The following SYK variants were observed in gnomAD, a reference collection of about 807,000 sequenced individuals.
The protein encoded by SYK is spleen associated tyrosine kinase.
SYK carries 16 observed loss-of-function variants against 77.8 expected under a neutral mutation model. The observed-to-expected ratio is 0.21, with a 90% CI of 0.14 to 0.31. The LOEUF (loss-of-function observed/expected upper bound fraction) is 0.31, where lower values mean the gene tolerates loss of function less well. Among genes scored for constraint, SYK ranks in the 10% least tolerant of loss-of-function variants. The pLI is 1.00. For missense variants in SYK, 529 were observed against 814.4 expected (o/e 0.65, Z 4.26); for synonymous variants, 312 against 308.7 (o/e 1.01, Z -0.11).
chr9:90,818,973 A>T (rs1264972403), intron 1 of SYK, among the ~76,000 whole-genome samples: 1 of 152,252 alleles, frequency 6.6e-6, no homozygotes, highest in Non-Finnish European at 1.5e-5. Context: ...TTTTTGGTAT[A>T]TGTAAATAAA....
chr9:90,808,324 C>T (rs1404203779), intron 1 of SYK, among the ~76,000 whole-genome samples: 1 of 152,102 alleles, frequency 6.6e-6, no homozygotes, highest in East Asian at 1.9e-4. Context: ...TATTAGTTTT[C>T]TGTGTATTTT....
At chr9:90,826,468 A>G (rs909123948) in intron 1 of SYK, among the ~76,000 whole-genome samples, 1 of 152,264 alleles carries the variant, frequency 6.6e-6, no homozygotes, top group Non-Finnish European at 1.5e-5. Context: ...CTTCTATAAA[A>G]TGAGAACTTG....
chr9:90,874,225 CG>C lies in SYK; in HGVS notation c.939del (p.Gln314LysfsTer57). The C allele has an allele frequency of 6.2e-7, 1 of 1,614,160 alleles. No homozygotes were observed. Among genetic ancestry groups the C allele is most frequent in the Non-Finnish European group, 8.5e-7 (1 of 1,180,006 alleles). ...TTAGTCCTCCCCTGCCCAAGGGAAC[CG>C]GCAAGAGAGTACTGTGTCATTCAAT... The part of the protein sequence containing the change: ...HRKSSPAQGN[R>X]QESTVSFNPY... On this transcript the variant is annotated frameshift_variant, in exon 8 of 14. Transcript: ENST00000375754. LOFTEE classifies it high-confidence loss of function.
chr9:90,868,967 T>A (rs1827623227), intron 7 of SYK, among the ~76,000 whole-genome samples: 1 of 152,228 alleles, frequency 6.6e-6, no homozygotes, highest in Non-Finnish European at 1.5e-5. Context: ...AGCTGAGATC[T>A]AGAATTGTTT....
Position 90,859,541 on chromosome 9 carries a change from A to G in SYK, c.579-2665A>G, listed in dbSNP as rs181327141. Among the ~76,000 whole-genome samples, 85 of 152,372 alleles carry G rather than the reference A, an allele frequency of 5.6e-4. 1 individual carries two copies. The highest frequency in any genetic ancestry group is 4.3e-3 in the Admixed American group (66 of 15,312). On this transcript the variant is annotated intron_variant, in intron 3 of 13. Coordinates refer to ENST00000375754, the MANE Select transcript of SYK (RefSeq NM_003177.7). ...ACTTACGTTGTGTGCAGTTTTTGAT[A>G]AGCACAGATGAAGCTGCTATAAGTA...
intron 1 of SYK, among the ~76,000 whole-genome samples, chr9:90,843,364 T>C (rs886466154): frequency 2.0e-5 from 3 of 152,136 alleles, no homozygotes; most frequent in Non-Finnish European, 4.4e-5. Flanking sequence ...GTCTCGCAGC[T>C]CAGGTGGGTG....
chr9:90,845,266 C>T (rs1321927283), intron 2 of SYK, among the ~76,000 whole-genome samples, 168 bp from the exon 3 acceptor site: 2 of 152,174 alleles, frequency 1.3e-5, no homozygotes, highest in Admixed American at 6.5e-5. Context: ...CTTGAAAGTA[C>T]TTAAGTAATG....
At position 90,853,614 on chromosome 9, in the gene SYK, C is replaced by T. The variant is rs375385761; in HGVS notation, c.578+8020C>T. On this transcript the variant is annotated intron_variant, in intron 3 of 13. Transcript: ENST00000375754. ...GAAATCATCATTCTCAGTAAACTAT[C>T]GCAAGGACAAAAAAACAAACACCGC... Among the ~76,000 whole-genome samples the T allele has an allele frequency of 1.7e-3, 254 of 152,136 alleles. 1 individual carries two copies. Among genetic ancestry groups the T allele is most frequent in the Non-Finnish European group, 2.3e-3 (155 of 68,008 alleles).
chr9:90,848,742 G>C (rs1460106334), intron 3 of SYK, among the ~76,000 whole-genome samples: 1 of 152,254 alleles, frequency 6.6e-6, no homozygotes, highest in African/African-American at 2.4e-5. Context: ...TTTGGGAAGG[G>C]AGAAGTGAAT....
chr9:90,871,964 G>A (rs376464856), intron 7 of SYK, among the ~76,000 whole-genome samples: 44 of 152,342 alleles, frequency 2.9e-4, no homozygotes, highest in African/African-American at 1.1e-3. Flanking sequence ...CATAAGCCAA[G>A]ATAGACTAGG....
At chr9:90,839,794 CAG>C (rs1283715791) in intron 1 of SYK, among the ~76,000 whole-genome samples, 1 of 152,090 alleles carries the variant, frequency 6.6e-6, no homozygotes, top group Non-Finnish European at 1.5e-5. Flanking sequence ...TACACAGTGA[CAG>C]GGGTATTTGA....
At chr9:90,814,461 G>A (rs1212693413) in intron 1 of SYK, among the ~76,000 whole-genome samples, 1 of 152,186 alleles carries the variant, frequency 6.6e-6, no homozygotes, top group Admixed American at 6.5e-5. Context: ...GTTGCCACAC[G>A]TGGGTGGAAG....
In SYK at chr9:90,845,589, G is replaced by A. The variant is rs201529865; in HGVS notation, c.573G>A (p.Lys191=). The change falls in exon 3 of 14, where the codon AAG becomes AAA. Residue 191 remains lysine, a synonymous_variant. Coordinates refer to ENST00000375754, the MANE Select transcript of SYK (RefSeq NM_003177.7). The part of the protein sequence containing the change: ...IVLIGSKTNG[K]FLIRARDNNG... Reference sequence around the variant, plus strand: ...TGATAGGATCAAAGACAAATGGAAAGTTCCTGTGAGTATCGTGCCTTCCCC... The same window carrying A: ...TGATAGGATCAAAGACAAATGGAAAATTCCTGTGAGTATCGTGCCTTCCCC... 14 of 1,613,724 alleles carry A rather than the reference G, an allele frequency of 8.7e-6. No homozygotes were observed. The highest frequency in any genetic ancestry group is 2.7e-5 in the African/African-American group (2 of 74,932).
Position 90,805,899 on chromosome 9 carries a change from A to T in SYK, c.-42+4006A>T, listed in dbSNP as rs1470837492. Among the ~76,000 whole-genome samples the T allele has an allele frequency of 2.6e-5, 4 of 152,280 alleles. No homozygotes were observed. The East Asian group carries it at 7.7e-4, about 29-fold the overall frequency. On this transcript the variant is annotated intron_variant, in intron 1 of 13. Transcript: ENST00000375754. ...GCATATTTTCAAAGTTTTTTGGTGT[A>T]CTAATTTTAAACAGTGTTTGTTGAC...
In SYK at chr9:90,877,613, C is replaced by A; in HGVS notation, c.1224C>A (p.Ala408=). The change falls in exon 10 of 14, where the codon GCC becomes GCA. Residue 408 remains alanine (A), a synonymous_variant. Transcript: ENST00000375754. ...CTGTGAAAATACTGAAAAACGAGGC[C>A]AATGACCCCGCTCTTAAAGATGAGT... ...TVAVKILKNE[A]NDPALKDELL... The A allele has an allele frequency of 6.2e-7, 1 of 1,614,174 alleles. No homozygotes were observed. The highest frequency in any genetic ancestry group is 8.5e-7 in the Non-Finnish European group (1 of 1,180,034).
intron 1 of SYK, among the ~76,000 whole-genome samples, chr9:90,808,505 C>G (rs1397735099): frequency 6.7e-6 from 1 of 149,516 alleles, no homozygotes; most frequent in Non-Finnish European, 1.5e-5. Context: ...TCTTTTAAGG[C>G]TGCATTCTTG....
intron 1 of SYK, among the ~76,000 whole-genome samples, chr9:90,823,679 A>C (rs1825588277): frequency 6.6e-6 from 1 of 152,170 alleles, no homozygotes; most frequent in African/African-American, 2.4e-5. Flanking sequence ...TCCAAAATCT[A>C]AAAAAATATT....
At chr9:90,801,744 T>C (rs1826737745), upstream of SYK, 1 of 152,030 alleles carries the variant, frequency 6.6e-6, no homozygotes. Context: ...TGGGAGGAAG[T>C]GCGGGCCGCC....
chr9:90,896,237 G>A lies in SYK; in HGVS notation c.*637G>A, dbSNP rs745609905. 1.3e-5 allele frequency: 3 copies of A among 232,990 alleles called. No individual in the cohort carries two copies. The highest frequency in any genetic ancestry group is 2.5e-5 in the Non-Finnish European group (3 of 117,996). The allele number at this position is 232,990 out of a possible 1,614,324, so 14.4% of individuals were successfully genotyped here. Reference sequence around the variant, plus strand: ...AAAAGGCCTGGATACTGCTTTTGCTGTCTCTGTTATGAGATGGAAGACTTA... The same window carrying A: ...AAAAGGCCTGGATACTGCTTTTGCTATCTCTGTTATGAGATGGAAGACTTA... On this transcript the variant is annotated 3_prime_UTR_variant, in exon 14 of 14. Transcript: ENST00000375754.
Sources: gnomAD v4.1 joint callset for allele counts (sites outside exome capture counted in the v4.1 genomes callset) on GRCh38, gnomAD v4.1.1 for gene constraint, MANE v1.5 for transcripts, NCBI Gene and HGNC (gene_info 2026-07-23, HGNC 2026-07-21) for gene names.